The following DISP3 variants were observed in gnomAD, a reference collection of about 807,000 sequenced individuals.
The protein encoded by DISP3 is dispatched RND transporter family member 3, also known as protein dispatched homolog 3.
A neutral mutation model predicts 135.3 loss-of-function variants in DISP3; 101 were observed. The ratio of observed to expected loss-of-function variants is 0.75; its 90% CI spans 0.64 to 0.88. The LOEUF is 0.88. Ranked by LOEUF, DISP3 falls within the 40% of genes least tolerant of loss-of-function variation. The pLI, the probability that DISP3 is intolerant of heterozygous loss-of-function variation, is 0.00. For synonymous variants in DISP3, 856 were observed against 817.0 expected (o/e 1.05, Z -0.81); for missense variants, 1,713 against 1,878.6 (o/e 0.91, Z 1.63).
At chr1:11,528,697 G>C (rs1642494778) in intron 13 of DISP3, among the ~76,000 whole-genome samples, 1 of 152,222 alleles carries the variant, frequency 6.6e-6, no homozygotes, top group Non-Finnish European at 1.5e-5. Context: ...CGCGGGGACT[G>C]TGGTCTCTGA....
At chr1:11,508,445 T>G (rs1479976526) in intron 3 of DISP3, among the ~76,000 whole-genome samples, 3 of 152,092 alleles carry the variant, frequency 2.0e-5, no homozygotes, top group Non-Finnish European at 4.4e-5. Flanking sequence ...TTGTCAAATT[T>G]GTTGGTATAA....
intron 17 of DISP3, 21 bp from the exon 18 acceptor site, chr1:11,534,360 A>G (rs1280686439): frequency 6.2e-7 from 1 of 1,613,898 alleles, no homozygotes; most frequent in Non-Finnish European, 8.5e-7. Flanking sequence ...CTGTCTCACT[A>G]GCTCACATCT....
At position 11,526,811 on chromosome 1, in the gene DISP3, C is replaced by A. The variant is rs745478994; in HGVS notation, c.2774C>A (p.Ala925Asp). Reference protein sequence around the residue: ...GWKFDFSFYVATKEQQHTRKL... With the variant: ...GWKFDFSFYVDTKEQQHTRKL... ...AAGTTTGACTTCAGCTTCTACGTGGCCACCAAGGAGCAGCAGCACACCCGG... is the reference window on the plus strand; with the variant it reads ...AAGTTTGACTTCAGCTTCTACGTGGACACCAAGGAGCAGCAGCACACCCGG... The change falls in exon 13 of 21, where the codon GCC (alanine) becomes GAC (aspartate). Residue 925 changes from alanine (A) to aspartate (D), a missense_variant. By Grantham distance (126) the Ala-to-Asp change is moderately radical. Around this residue, in one of 2 missense-constraint regions of DISP3, gnomAD observed 1,142 missense variants for 1,384.6 expected, o/e 0.82. Transcript: ENST00000294484. 6.2e-7 allele frequency: 1 copy of A among 1,608,090 alleles called. No individual in the cohort carries two copies. The highest frequency in any genetic ancestry group is 2.2e-5 in the East Asian group (1 of 44,860).
Position 11,501,863 on chromosome 1 carries a change from A to C in DISP3, c.871A>C (p.Thr291Pro), listed in dbSNP as rs1004273664. The change falls in exon 2 of 21, where the codon ACC becomes CCC. Residue 291 changes from threonine (T) to proline (P), a missense_variant. This residue lies in a region of DISP3 where 571 missense variants were observed against 494.1 expected (regional missense o/e 1.16). Transcript: ENST00000294484. The surrounding 1 kb of genome is among the most constrained non-coding windows in gnomAD (Gnocchi z 4.9). ...ARGDAERNIF[T>P]SERLVTIHEI... ...CGGCGACGCGGAGCGCAACATTTTCACCAGTGAGCGCCTGGTCACGATCCA... is the reference window on the plus strand; with the variant it reads ...CGGCGACGCGGAGCGCAACATTTTCCCCAGTGAGCGCCTGGTCACGATCCA... 6 of 1,612,928 alleles carry C rather than the reference A, an allele frequency of 3.7e-6. No individual in the cohort carries two copies. Among genetic ancestry groups the C allele is most frequent in the Non-Finnish European group, 5.1e-6 (6 of 1,179,604 alleles).
chr1:11,523,871 C>A, intron 10 of DISP3, 71 bp from the exon 11 acceptor site: 2 of 1,277,126 alleles, frequency 1.6e-6, no homozygotes, highest in Non-Finnish European at 2.2e-6. Flanking sequence ...CCAGCCTCTT[C>A]CCTCTGCCCA....
Position 11,536,803 on chromosome 1 carries a change from G to A in DISP3, c.*117G>A. On this transcript the variant is annotated 3_prime_UTR_variant, in exon 21 of 21. Transcript: ENST00000294484. The surrounding 1 kb of genome is among the most constrained non-coding windows in gnomAD (Gnocchi z 4.3). ...AGGCCTGGGCCCAGGGCGCCCTGCG[G>A]GCCAGCGTGGAGGCTGACACCCACA... 2 of 1,327,956 alleles carry A rather than the reference G, an allele frequency of 1.5e-6. No individual in the cohort carries two copies. The highest frequency in any genetic ancestry group is 2.5e-5 in the East Asian group (1 of 39,408). 82.3% of individuals were successfully genotyped at this position (1,327,956 alleles called of 1,614,324 possible).
rs755447444 is a variant in DISP3 at position 11,501,082 on chromosome 1, G to A, written c.90G>A (p.Gly30=). The A allele has an allele frequency of 2.5e-6, 4 of 1,614,072 alleles. No individual in the cohort carries two copies. The highest frequency in any genetic ancestry group is 3.4e-6 in the Non-Finnish European group (4 of 1,180,000). The change falls in exon 2 of 21, where the codon GGG becomes GGA. Residue 30 remains glycine, a synonymous_variant. Coordinates refer to ENST00000294484, the MANE Select transcript of DISP3 (RefSeq NM_020780.2). The surrounding 1 kb of genome is among the most constrained non-coding windows in gnomAD (Gnocchi z 4.9). ...EEEATGETFL[G]AQKPGPQPGA... is the part of the protein sequence containing the mutation. The stretch of plus-strand genomic sequence containing the variant: ...AAGCAACGGGTGAAACCTTTTTAGG[G>A]GCCCAGAAGCCAGGGCCCCAACCTG...
At chr1:11,496,657 G>GT (rs1641342913) in intron 1 of DISP3, among the ~76,000 whole-genome samples, 1 of 152,246 alleles carries the variant, frequency 6.6e-6, no homozygotes, top group African/African-American at 2.4e-5. Flanking sequence ...CCTACCAGCT[G>GT]TGGAGGGGCC....
intron 13 of DISP3, among the ~76,000 whole-genome samples, chr1:11,528,716 G>A (rs1356702378): frequency 1.3e-5 from 2 of 152,082 alleles, no homozygotes; most frequent in Non-Finnish European, 2.9e-5. Context: ...GACGGGGCTC[G>A]GTGACACACA....
At position 11,519,226 on chromosome 1, in the gene DISP3, G is replaced by A; in HGVS notation, c.1890-129G>A. On this transcript the variant is annotated intron_variant, in intron 7 of 20. Transcript: ENST00000294484. This position sits in a 1 kb window ranked among gnomAD's most constrained non-coding sequence, Gnocchi z 4.3. ...GGTGACCAGCTCCCAGAAGTCTGGG[G>A]TGCTCATCCTGTGTGTGACGTCAGC... 2 of 1,144,840 alleles carry A rather than the reference G, an allele frequency of 1.7e-6. No individual in the cohort carries two copies. Among genetic ancestry groups the A allele is most frequent in the African/African-American group, 1.5e-5 (1 of 65,374 alleles). The allele number at this position is 1,144,840 out of a possible 1,614,324, so 70.9% of individuals were successfully genotyped here. A position where few individuals can be genotyped will look rare whatever the true frequency, so the allele number is the denominator to read the frequency against.
In DISP3 at chr1:11,531,797, G is replaced by A. The variant is rs573926399; in HGVS notation, c.3375+87G>A. 2.0e-6 allele frequency: 3 copies of A among 1,493,270 alleles called. No homozygotes were observed. The highest frequency in any genetic ancestry group is 2.3e-5 in the Admixed American group (1 of 44,298). The allele number at this position is 1,493,270 out of a possible 1,614,324, so 92.5% of individuals were successfully genotyped here. ...GATCCCAGCCCTCTTCCCAGATCGG[G>A]GGGGAGATGCTGAGGCCCAGAGAGG... On this transcript the variant is annotated intron_variant, in intron 17 of 20. Coordinates refer to ENST00000294484, the MANE Select transcript of DISP3 (RefSeq NM_020780.2). This position sits in a 1 kb window ranked among gnomAD's most constrained non-coding sequence, Gnocchi z 5.2.
intron 10 of DISP3, among the ~76,000 whole-genome samples, chr1:11,522,174 A>G (rs1642215265): frequency 6.6e-6 from 1 of 152,190 alleles, no homozygotes; most frequent in South Asian, 2.1e-4. Context: ...AGTCAACCCA[A>G]GGTCATCTGA....
chr1:11,515,594 T>TG, intron 5 of DISP3, 91 bp downstream of exon 5: 1 of 1,505,488 alleles, frequency 6.6e-7, no homozygotes, highest in South Asian at 1.3e-5. Context: ...CTGGCTTCCC[T>TG]GGGGGCTCTA....
intron 1 of DISP3, 38 bp from the exon 2 acceptor site, chr1:11,500,952 T>G (rs1037249471): frequency 6.2e-7 from 1 of 1,606,532 alleles, no homozygotes; most frequent in Non-Finnish European, 8.5e-7. Context: ...TTCCCCTCAC[T>G]GTCTCTCTAG....
At position 11,531,121 on chromosome 1, in the gene DISP3, G is replaced by A. The variant is rs370427623; in HGVS notation, c.3229+88G>A. 9.6e-6 allele frequency: 15 copies of A among 1,566,266 alleles called. No homozygotes were observed. The highest frequency in any genetic ancestry group is 4.6e-5 in the South Asian group (4 of 86,746). On this transcript the variant is annotated intron_variant, in intron 16 of 20. Coordinates refer to ENST00000294484, the MANE Select transcript of DISP3 (RefSeq NM_020780.2). The surrounding 1 kb of genome is among the most constrained non-coding windows in gnomAD (Gnocchi z 5.2). ...GGCCGTGGTCCAAGGTAGACAGCCC[G>A]AAGGACAGTGTCTGGCATGTGGGGG... is the stretch of plus-strand genomic sequence containing the variant.
intron 5 of DISP3, 137 bp downstream of exon 5, chr1:11,515,640 A>T: frequency 3.0e-6 from 4 of 1,333,380 alleles, no homozygotes; most frequent in Non-Finnish European, 4.0e-6. Context: ...CTTGGAGTGC[A>T]GGGTTAGAAT....
intron 1 of DISP3, among the ~76,000 whole-genome samples, chr1:11,495,598 G>T (rs1357733438): frequency 6.6e-6 from 1 of 152,144 alleles, no homozygotes; most frequent in Non-Finnish European, 1.5e-5. Context: ...CTCCTTGACT[G>T]GACCTGGGGT....
At position 11,502,809 on chromosome 1, in the gene DISP3, T is replaced by G. The variant is rs770443812; in HGVS notation, c.1228T>G (p.Ser410Ala). 2 of 1,614,194 alleles carry G rather than the reference T, an allele frequency of 1.2e-6. No homozygotes were observed. The highest frequency in any genetic ancestry group is 2.2e-5 in the South Asian group (2 of 91,080). ...LFGAPLPNYY[S>A]VDDRWEEQRA... ...TGGAGCACCCCTGCCCAACTACTAC[T>G]CAGTAGATGACCGCTGGGAGGAACA... The change falls in exon 3 of 21, where the codon TCA (serine) becomes GCA (alanine). Residue 410 changes from serine to alanine, a missense_variant. By Grantham distance (99) the Ser-to-Ala change is moderately conservative (BLOSUM62 1). This residue lies in a region of DISP3 where 1,142 missense variants were observed against 1,384.6 expected (regional missense o/e 0.82). Coordinates refer to ENST00000294484, the MANE Select transcript of DISP3 (RefSeq NM_020780.2).
At chr1:11,480,941 C>T (rs1640886742) in intron 1 of DISP3, among the ~76,000 whole-genome samples, 1 of 151,506 alleles carries the variant, frequency 6.6e-6, no homozygotes, top group Non-Finnish European at 1.5e-5. Context: ...ACTCACTCCT[C>T]TTTCTCTAAC....
Sources: gnomAD v4.1 joint callset for allele counts (sites outside exome capture counted in the v4.1 genomes callset) on GRCh38, gnomAD v4.1.1 for gene constraint, gnomAD v4.1.1 regional missense constraint, Gnocchi (gnomAD v3.1) non-coding constraint, MANE v1.5 for transcripts, NCBI Gene and HGNC (gene_info 2026-07-23, HGNC 2026-07-21) for gene names.